Variants in ANXA7 observed in about 807,000 individuals in gnomAD.
ANXA7 encodes the protein annexin A7.
A neutral mutation model predicts 64.9 loss-of-function variants in ANXA7; 55 were observed. The observed-to-expected ratio is 0.85, with a 90% CI of 0.68 to 1.06. ANXA7 has a LOEUF of 1.06. Ranked by LOEUF, ANXA7 falls within the 50% of genes least tolerant of loss-of-function variation. The pLI is 0.00. For missense variants in ANXA7, 548 were observed against 582.1 expected (o/e 0.94, Z 0.60); for synonymous variants, 200 against 192.4 (o/e 1.04, Z -0.33).
intron 11 of ANXA7, 102 bp from the exon 12 acceptor site, chr10:73,379,125 TG>T (rs765691176): frequency 5.3e-6 from 4 of 751,188 alleles, no homozygotes; most frequent in Non-Finnish European, 6.2e-6. Flanking sequence ...TTATTTTCTC[TG>T]TAATCATCAC....
chr10:73,377,795 T>G (rs2055203362), intron 12 of ANXA7, among the ~76,000 whole-genome samples: 1 of 148,528 alleles, frequency 6.7e-6, no homozygotes, highest in South Asian at 2.2e-4. Context: ...TGTGTGTGTG[T>G]GTGTGTATTT....
chr10:73,387,644 T>C (rs1270414370), intron 7 of ANXA7, 45 bp downstream of exon 7: 1 of 1,389,384 alleles, frequency 7.2e-7, no homozygotes, highest in Non-Finnish European at 1.0e-6. Flanking sequence ...GAATGCAGAG[T>C]CTACCAGCCA....
chr10:73,404,678 T>C (rs2055724144), intron 1 of ANXA7, among the ~76,000 whole-genome samples: 3 of 151,476 alleles, frequency 2.0e-5, no homozygotes, highest in Non-Finnish European at 1.5e-5. Flanking sequence ...GTAAAATAAA[T>C]GGAGCTAGTG....
In ANXA7 at chr10:73,379,881, A is replaced by G. The variant is rs1037741279; in HGVS notation, c.1163T>C (p.Ile388Thr). The G allele has an allele frequency of 1.2e-6, 2 of 1,613,956 alleles. No individual in the cohort carries two copies. The highest frequency in any genetic ancestry group is 1.7e-6 in the Non-Finnish European group (2 of 1,179,816). The change falls in exon 11 of 13, where the codon ATC becomes ACC. Residue 388 changes from isoleucine to threonine, a missense_variant and splice_region_variant. Physicochemically the swap from Ile to Thr is moderately conservative, Grantham distance 89 (BLOSUM62 -1). Transcript: ENST00000372921. ...SGYVESGLKTILQCALNRPAF... is the reference protein window; with the variant it reads ...SGYVESGLKTTLQCALNRPAF... ...AGCAAAGCACAAAAATATCTTACAGATGGTCTTCAAACCACTTTCTACATA... is the reference window on the plus strand; with the variant it reads ...AGCAAAGCACAAAAATATCTTACAGGTGGTCTTCAAACCACTTTCTACATA...
At chr10:73,403,099 A>G (rs1363929732) in intron 1 of ANXA7, among the ~76,000 whole-genome samples, 1 of 152,236 alleles carries the variant, frequency 6.6e-6, no homozygotes, top group Admixed American at 6.5e-5. Flanking sequence ...CTGGGATTAT[A>G]GGCGTGAGCC....
intron 1 of ANXA7, among the ~76,000 whole-genome samples, chr10:73,403,064 C>T (rs1043466927): frequency 1.1e-4 from 17 of 152,176 alleles, no homozygotes; most frequent in African/African-American, 4.1e-4. Context: ...ACCTGGTGAT[C>T]CACCCACCTT....
At chr10:73,396,693 CTA>C in intron 4 of ANXA7, 110 bp from the exon 5 acceptor site, 1 of 632,510 alleles carries the variant, frequency 1.6e-6, no homozygotes, top group Non-Finnish European at 2.6e-6. Flanking sequence ...AACATTCACA[CTA>C]TGATACTTAT....
At chr10:73,378,876 G>A (rs758402139) in intron 12 of ANXA7, 35 bp downstream of exon 12, 2 of 1,501,368 alleles carry the variant, frequency 1.3e-6, no homozygotes, top group East Asian at 4.5e-5. Context: ...TGAACATCAA[G>A]TAAGACCCGA....
At chr10:73,412,794 GCTT>G (rs1317320669) in intron 1 of ANXA7, among the ~76,000 whole-genome samples, 3 of 138,124 alleles carry the variant, frequency 2.2e-5, no homozygotes, top group Non-Finnish European at 4.5e-5. Flanking sequence ...CCGCGCTCGG[GCTT>G]TTTTTTTTTT....
chr10:73,396,716 T>C, intron 4 of ANXA7, 133 bp from the exon 5 acceptor site: 1 of 549,134 alleles, frequency 1.8e-6, no homozygotes. Flanking sequence ...GAGGATAGTT[T>C]TTAAAAATAT....
chr10:73,377,793 T>TGTGTGTGG (rs2055203199), intron 12 of ANXA7, among the ~76,000 whole-genome samples: 1 of 148,556 alleles, frequency 6.7e-6, no homozygotes, highest in African/African-American at 2.5e-5. Flanking sequence ...TGTGTGTGTG[T>TGTGTGTGG]GTGTGTGTAT....
intron 1 of ANXA7, among the ~76,000 whole-genome samples, chr10:73,413,500 A>G (rs369927390): frequency 6.6e-6 from 1 of 152,232 alleles, no homozygotes; most frequent in African/African-American, 2.4e-5. Flanking sequence ...CTGGAATGCT[A>G]TTCTAGAATA....
intron 1 of ANXA7, among the ~76,000 whole-genome samples, chr10:73,410,715 G>A (rs2055825375): frequency 6.6e-6 from 1 of 151,352 alleles, no homozygotes. Flanking sequence ...CCGGGAGGCG[G>A]AGGTTGGGGT....
At chr10:73,395,647 G>A (rs532240601) in intron 5 of ANXA7, among the ~76,000 whole-genome samples, 1 of 152,084 alleles carries the variant, frequency 6.6e-6, no homozygotes, top group Non-Finnish European at 1.5e-5. Context: ...TGTGACAGGT[G>A]TAGTGGCGTG....
intron 1 of ANXA7, among the ~76,000 whole-genome samples, chr10:73,412,229 G>A (rs970496703): frequency 6.6e-6 from 1 of 151,800 alleles, no homozygotes; most frequent in Non-Finnish European, 1.5e-5. Flanking sequence ...TAGAGACGGG[G>A]TTTCACCGTG....
intron 12 of ANXA7, among the ~76,000 whole-genome samples, chr10:73,378,377 C>CAA (rs755093944): frequency 0.089 from 5,586 of 62,524 alleles, 299 homozygotes; most frequent in East Asian, 0.34. Flanking sequence ...GACCATGTCT[C>CAA]AAAAAAAAAA....
At chr10:73,385,158 T>C (rs937228368) in intron 7 of ANXA7, among the ~76,000 whole-genome samples, 3 of 152,226 alleles carry the variant, frequency 2.0e-5, no homozygotes, top group African/African-American at 4.8e-5. Context: ...GTTTTCATAA[T>C]AGATGAGTTA....
At position 73,376,225 on chromosome 10, in the gene ANXA7, A is replaced by G. The variant is rs1178823127; in HGVS notation, c.1279-8T>C. 6.5e-7 allele frequency: 1 copy of G among 1,549,752 alleles called. No homozygotes were observed. The highest frequency in any genetic ancestry group is 8.7e-7 in the Non-Finnish European group (1 of 1,154,738). On this transcript the variant is annotated splice_region_variant and splice_polypyrimidine_tract_variant and intron_variant, in intron 12 of 12. Transcript: ENST00000372921. ...TATTTGTACAAGGTCAATCTGCATAAGAAATAATATTTCTGTCAGAAAAAC... is the reference window on the plus strand; with the variant it reads ...TATTTGTACAAGGTCAATCTGCATAGGAAATAATATTTCTGTCAGAAAAAC...
intron 7 of ANXA7, among the ~76,000 whole-genome samples, chr10:73,384,331 A>C (rs1282256777): frequency 6.6e-6 from 1 of 152,202 alleles, no homozygotes; most frequent in Non-Finnish European, 1.5e-5. Flanking sequence ...ACAGATATTT[A>C]CTTAGTAAAA....
Sources: gnomAD v4.1 joint callset for allele counts (sites outside exome capture counted in the v4.1 genomes callset) on GRCh38, gnomAD v4.1.1 for gene constraint, MANE v1.5 for transcripts, NCBI Gene and HGNC (gene_info 2026-07-23, HGNC 2026-07-21) for gene names.